TBCD: variants seen among roughly 807,000 people sequenced by gnomAD.
TBCD encodes tubulin folding cofactor D, also known as tubulin-specific chaperone D.
Under a neutral mutation model 169.3 loss-of-function variants are expected in TBCD, and 105 were observed. That is an observed-to-expected ratio of 0.62 (90% CI 0.53 to 0.73). TBCD has a LOEUF of 0.73. TBCD is among the 30% of genes least tolerant of loss of function. The pLI, the probability that TBCD is intolerant of heterozygous loss-of-function variation, is 0.00. For missense variants in TBCD, 1,444 were observed against 1,600.1 expected, an observed-to-expected ratio of 0.90 and a Z score of 1.66; for synonymous variants, 700 against 643.9, an observed-to-expected ratio of 1.09 and a Z score of -1.32.
chr17:82,851,821 A>AAT (rs1281972963), intron 13 of TBCD, among the ~76,000 whole-genome samples: 6 of 152,196 alleles, frequency 3.9e-5, no homozygotes, highest in Admixed American at 3.9e-4. Context: ...GCATGTTAAG[A>AAT]ATATCTTTTG....
Position 82,921,538 on chromosome 17 carries a change from T to C in TBCD, c.2139T>C (p.His713=), listed in dbSNP as rs771693620. Residue 713 remains histidine (H), a synonymous_variant, in exon 25 of 39, where the codon CAT becomes CAC. Coordinates refer to ENST00000355528, the MANE Select transcript of TBCD (RefSeq NM_005993.5). ...WQWLINDTLR[H]LHLISSHSRQ... The stretch of plus-strand genomic sequence containing the variant: ...GGCTGATAAATGACACTTTGAGACA[T>C]CTCCATCTCATCTCAAGTCACTCCC... 1.2e-6 allele frequency: 2 copies of C among 1,614,042 alleles called. No individual in the cohort carries two copies. Among genetic ancestry groups the C allele is most frequent in the Admixed American group, 1.7e-5 (1 of 60,032 alleles).
At chr17:82,887,241 A>G (rs529263908) in intron 15 of TBCD, among the ~76,000 whole-genome samples, 1 of 151,554 alleles carries the variant, frequency 6.6e-6, no homozygotes, top group South Asian at 2.1e-4. Context: ...CGTATCCACC[A>G]CCACAATCAG....
chr17:82,806,100 C>A lies in TBCD; in HGVS notation c.1087+89C>A. ...CAGGACCACACTTCCTTCTTCCTTG[C>A]TGGTGCCGGCACTGTCTGGCCACCC... On this transcript the variant is annotated intron_variant, in intron 10 of 38. Coordinates refer to ENST00000355528, the MANE Select transcript of TBCD (RefSeq NM_005993.5). This position sits in a 1 kb window ranked among gnomAD's most constrained non-coding sequence, Gnocchi z 5.1. 2.0e-6 allele frequency: 3 copies of A among 1,531,864 alleles called. No individual in the cohort carries two copies. In the South Asian group the frequency reaches 3.7e-5, roughly 19 times the overall value. The allele number at this position is 1,531,864 out of a possible 1,614,324, so 94.9% of individuals were successfully genotyped here. A position where few individuals can be genotyped will look rare whatever the true frequency, so the allele number is the denominator to read the frequency against.
At chr17:82,827,855 GCA>G (rs1009664506) in intron 13 of TBCD, among the ~76,000 whole-genome samples, 17 of 117,682 alleles carry the variant, frequency 1.4e-4, no homozygotes, top group Non-Finnish European at 2.2e-4. Context: ...ACAATTGAAT[GCA>G]CACACACCCC....
chr17:82,941,346 T>G, intron 37 of TBCD, 53 bp from the exon 38 acceptor site: 3 of 1,467,966 alleles, frequency 2.0e-6, no homozygotes, highest in Non-Finnish European at 2.8e-6. Flanking sequence ...TCCGCACACC[T>G]GAGGTTCTCC....
chr17:82,937,706 C>T (rs1477129081), intron 35 of TBCD: 13 of 670,464 alleles, frequency 1.9e-5, no homozygotes, highest in East Asian at 2.7e-5. Context: ...TGCTCTGCGG[C>T]GCTCAGGTGG....
chr17:82,785,791 G>T (rs1371393132), intron 7 of TBCD, among the ~76,000 whole-genome samples: 1 of 144,334 alleles, frequency 6.9e-6, no homozygotes, highest in Non-Finnish European at 1.5e-5. Context: ...CCCGCCCATC[G>T]CAGCGGGAGG....
At chr17:82,827,473 C>T (rs1457051082) in intron 13 of TBCD, among the ~76,000 whole-genome samples, 2 of 152,212 alleles carry the variant, frequency 1.3e-5, no homozygotes, top group Non-Finnish European at 2.9e-5. Context: ...GCTCCTAAAG[C>T]ACTCTGAAGC....
intron 4 of TBCD, among the ~76,000 whole-genome samples, chr17:82,767,233 C>T (rs939814074): frequency 4.6e-5 from 7 of 152,162 alleles, no homozygotes; most frequent in South Asian, 2.1e-4. Flanking sequence ...GGTTTATAAC[C>T]GTGCAGTGCG....
chr17:82,756,129 A>C, intron 1 of TBCD, 36 bp from the exon 2 acceptor site: 2 of 1,558,750 alleles, frequency 1.3e-6, no homozygotes, highest in Non-Finnish European at 1.7e-6. Context: ...TGTTTGGCCT[A>C]GTGATAATTA....
intron 7 of TBCD, among the ~76,000 whole-genome samples, chr17:82,792,344 T>A (rs993871416): frequency 2.8e-5 from 4 of 144,052 alleles, no homozygotes; most frequent in African/African-American, 1.0e-4. Flanking sequence ...TATACACACG[T>A]GTATACATGT....
chr17:82,799,814 C>A (rs368382753), intron 8 of TBCD, among the ~76,000 whole-genome samples: 1 of 152,222 alleles, frequency 6.6e-6, no homozygotes, highest in African/African-American at 2.4e-5. Context: ...TTGTCACCCA[C>A]GCTCATTGTG....
intron 7 of TBCD, among the ~76,000 whole-genome samples, chr17:82,794,745 C>G (rs1375748909): frequency 6.6e-6 from 1 of 152,218 alleles, no homozygotes; most frequent in East Asian, 1.9e-4. Context: ...TGACTCGTTC[C>G]TTCCCTGTCG....
chr17:82,782,790 T>TGCG lies in TBCD; in HGVS notation c.771+1070_771+1071insCGG, dbSNP rs1807473596. Among the ~76,000 whole-genome samples the TGCG allele has an allele frequency of 6.6e-6, 1 of 150,378 alleles. No individual in the cohort carries two copies. Among genetic ancestry groups the TGCG allele is most frequent in the African/African-American group, 2.5e-5 (1 of 40,652 alleles). On this transcript the variant is annotated intron_variant, in intron 7 of 38. Coordinates refer to ENST00000355528, the MANE Select transcript of TBCD (RefSeq NM_005993.5). This position sits in a 1 kb window ranked among gnomAD's most constrained non-coding sequence, Gnocchi z 5.1. The stretch of plus-strand genomic sequence containing the variant: ...CTATCCGCGGCGTTGTCTTCCTGTC[T>TGCG]GTGGCGTCGTCCTGTCTGCGGTGGC...
intron 38 of TBCD, 52 bp downstream of exon 38, chr17:82,941,535 G>T: frequency 6.7e-6 from 10 of 1,491,514 alleles, no homozygotes; most frequent in South Asian, 1.2e-5. Flanking sequence ...CTGAGCTCTG[G>T]AATGTTCTGG....
chr17:82,942,375 G>A, intron 38 of TBCD, 74 bp from the exon 39 acceptor site: 2 of 1,604,564 alleles, frequency 1.2e-6, no homozygotes, highest in Admixed American at 1.7e-5. Flanking sequence ...GGGCCCAGAG[G>A]GGTGAGGGTC....
chr17:82,937,941 A>G (rs2147502614), intron 35 of TBCD, 108 bp from the exon 36 acceptor site: 1 of 1,549,420 alleles, frequency 6.5e-7, no homozygotes, highest in East Asian at 2.4e-5. Context: ...CACTGTGCTC[A>G]CGGATCTGCT....
rs373135709 is a variant in TBCD, at chr17:82,809,877, CTGTT to C, written c.1223+99_1223+102del. ...CCTTTCACGCTTGCTTTTCATTGAG[CTGTT>C]TGTCAGAACTCCAGAAGCTCTTTTT... On this transcript the variant is annotated intron_variant, in intron 12 of 38. Coordinates refer to ENST00000355528, the MANE Select transcript of TBCD (RefSeq NM_005993.5). 2.0e-4 allele frequency: 239 copies of C among 1,191,286 alleles called. 4 individuals are homozygous for C. The East Asian group carries it at 2.2e-3, about 11-fold the overall frequency. The allele number at this position is 1,191,286 out of a possible 1,614,324, so 73.8% of individuals were successfully genotyped here.
chr17:82,830,240 G>C, intron 13 of TBCD: 1 of 1,614,226 alleles, frequency 6.2e-7, no homozygotes, highest in South Asian at 1.1e-5. Flanking sequence ...GCATCCCTTA[G>C]ACTTGTCCTC....
Sources: gnomAD v4.1 joint callset for allele counts (sites outside exome capture counted in the v4.1 genomes callset) on GRCh38, gnomAD v4.1.1 for gene constraint, Gnocchi (gnomAD v3.1) non-coding constraint, MANE v1.5 for transcripts, NCBI Gene and HGNC (gene_info 2026-07-23, HGNC 2026-07-21) for gene names.